Variants in RGS6 observed in about 807,000 individuals in gnomAD.
RGS6 encodes regulator of G protein signaling 6.
RGS6 carries 30 observed loss-of-function variants against 78.5 expected under a neutral mutation model. The ratio of observed to expected loss-of-function variants is 0.38; its 90% CI spans 0.29 to 0.52. The LOEUF (loss-of-function observed/expected upper bound fraction) is 0.52, where lower values mean the gene tolerates loss of function less well. Ranked by LOEUF, RGS6 falls within the 20% of genes least tolerant of loss-of-function variation. The pLI, the probability that RGS6 is intolerant of heterozygous loss-of-function variation, is 0.85. For missense variants in RGS6, 495 were observed against 609.7 expected, an observed-to-expected ratio of 0.81 and a Z score of 1.98; for synonymous variants, 206 against 206.0, an observed-to-expected ratio of 1.00 and a Z score of 0.00.
intron 3 of RGS6, among the ~76,000 whole-genome samples, chr14:72,440,732 A>G (rs2095162467): frequency 6.6e-6 from 1 of 152,166 alleles, no homozygotes; most frequent in Admixed American, 6.5e-5. Context: ...TATTACTTAG[A>G]TTTCTAGCAG....
chr14:72,474,411 A>T (rs923475488), intron 9 of RGS6, among the ~76,000 whole-genome samples: 5 of 152,202 alleles, frequency 3.3e-5, no homozygotes, highest in African/African-American at 1.2e-4. Flanking sequence ...TGTACACTAT[A>T]CCCTCTACAT....
intron 15 of RGS6, among the ~76,000 whole-genome samples, chr14:72,525,776 G>T (rs943937065): frequency 3.3e-5 from 5 of 152,206 alleles, no homozygotes; most frequent in Non-Finnish European, 5.9e-5. Context: ...TCCTCTATTG[G>T]AAGGCATTTC....
chr14:72,397,566 G>T (rs2091611071), intron 3 of RGS6, among the ~76,000 whole-genome samples: 1 of 151,938 alleles, frequency 6.6e-6, no homozygotes, highest in Non-Finnish European at 1.5e-5. Context: ...GATTGCCCTG[G>T]CCAGAACTTC....
chr14:72,306,185 T>A lies in RGS6; in HGVS notation c.85-45910T>A, dbSNP rs1032345762. ...TGGAACAACGAAGCCCAGATCTGTT[T>A]ACAGAAGGATTTATTGAATATTTTA... On this transcript the variant is annotated intron_variant, in intron 2 of 17. Coordinates refer to ENST00000553525, the MANE Select transcript of RGS6 (RefSeq NM_001204424.2). 9.2e-5 allele frequency among the ~76,000 whole-genome samples: 14 copies of A among 152,176 alleles called. 1 individual carries two copies. The highest frequency in any genetic ancestry group is 3.4e-4 in the African/African-American group (14 of 41,434).
In RGS6 at chr14:72,535,715, T is replaced by C. The variant is rs116828825; in HGVS notation, c.1279-471T>C. 5.0e-3 allele frequency among the ~76,000 whole-genome samples: 767 copies of C among 152,356 alleles called. 6 individuals are homozygous for C. Among genetic ancestry groups the C allele is most frequent in the African/African-American group, 0.017 (711 of 41,590 alleles). Reference sequence around the variant, plus strand: ...CCCTTGCTCCCTCTACTTCCTCATCTCTAACCCCAGGAACCACTAATCTGT... The same window carrying C: ...CCCTTGCTCCCTCTACTTCCTCATCCCTAACCCCAGGAACCACTAATCTGT... On this transcript the variant is annotated intron_variant, in intron 15 of 17. Coordinates refer to ENST00000553525, the MANE Select transcript of RGS6 (RefSeq NM_001204424.2).
chr14:72,062,157 TGAA>T (rs1476016576), intron 2 of RGS6, among the ~76,000 whole-genome samples: 4 of 152,106 alleles, frequency 2.6e-5, no homozygotes, highest in African/African-American at 9.7e-5. Flanking sequence ...AACAAGAAAT[TGAA>T]GAAAGCAGGG....
At chr14:71,968,768 A>G (rs1426409946) in intron 2 of RGS6, among the ~76,000 whole-genome samples, 1 of 152,210 alleles carries the variant, frequency 6.6e-6, no homozygotes, top group African/African-American at 2.4e-5. Flanking sequence ...TATGTGGCAG[A>G]TCTTTGACTT....
chr14:72,505,239 C>G (rs1361427652), intron 13 of RGS6, among the ~76,000 whole-genome samples: 2 of 152,208 alleles, frequency 1.3e-5, no homozygotes, highest in African/African-American at 4.8e-5. Context: ...ATACTATAGA[C>G]TGTGTGGCTT....
intron 2 of RGS6, among the ~76,000 whole-genome samples, chr14:72,050,007 A>C (rs1299172958): frequency 6.6e-6 from 1 of 152,128 alleles, no homozygotes; most frequent in Non-Finnish European, 1.5e-5. Context: ...CAGTAAAGAC[A>C]AGTTAAGAAA....
intron 2 of RGS6, among the ~76,000 whole-genome samples, chr14:72,280,215 A>G (rs1041122923): frequency 2.6e-5 from 4 of 152,078 alleles, no homozygotes; most frequent in African/African-American, 7.2e-5. Context: ...GCAGTGGATA[A>G]ATTTGGAACC....
At chr14:72,501,455 T>C (rs2096725241) in intron 13 of RGS6, among the ~76,000 whole-genome samples, 1 of 152,086 alleles carries the variant, frequency 6.6e-6, no homozygotes, top group Admixed American at 6.6e-5. Context: ...TTATGCAACA[T>C]AGTGAGCTGT....
At chr14:72,081,312 A>G (rs927604514) in intron 2 of RGS6, among the ~76,000 whole-genome samples, 3 of 151,546 alleles carry the variant, frequency 2.0e-5, no homozygotes, top group Non-Finnish European at 4.4e-5. Context: ...TCTTTTTCAG[A>G]TAGTTTGTTG....
intron 3 of RGS6, among the ~76,000 whole-genome samples, chr14:72,360,381 G>A (rs1333576930): frequency 6.6e-6 from 1 of 151,830 alleles, no homozygotes; most frequent in African/African-American, 2.4e-5. Flanking sequence ...AATTAGCTGG[G>A]TGTGGTGGCG....
chr14:72,620,053 C>T, the RGS6 span: 1 of 1,437,156 alleles, frequency 7.0e-7, no homozygotes, highest in Non-Finnish European at 9.2e-7. Context: ...CTGGCCCCCG[C>T]TTACCCATCA....
chr14:72,037,585 G>T (rs1323691173), intron 2 of RGS6, among the ~76,000 whole-genome samples: 1 of 152,178 alleles, frequency 6.6e-6, no homozygotes, highest in Admixed American at 6.5e-5. Flanking sequence ...TTTAGGTCAA[G>T]GTTCATTTTC....
At chr14:72,339,629 A>G (rs2076626500) in intron 2 of RGS6, among the ~76,000 whole-genome samples, 1 of 152,090 alleles carries the variant, frequency 6.6e-6, no homozygotes, top group Admixed American at 6.5e-5. Context: ...GTGCAGGAAC[A>G]CCATGAGGGG....
At position 72,465,780 on chromosome 14, in the gene RGS6, A is replaced by C. The variant is rs749895098; in HGVS notation, c.417A>C (p.Thr139=). 1 of 1,613,902 alleles carries C rather than the reference A, an allele frequency of 6.2e-7. No homozygotes were observed. Among genetic ancestry groups the C allele is most frequent in the African/African-American group, 1.3e-5 (1 of 75,040 alleles). The change falls in exon 7 of 18, where the codon ACA becomes ACC. Residue 139 remains threonine, a synonymous_variant. Coordinates refer to ENST00000553525, the MANE Select transcript of RGS6 (RefSeq NM_001204424.2). The part of the protein sequence containing the change: ...TDYAIYLCKR[T]MQNKARLELA... ...CAGCCATCTATCTCTGTAAGAGGAC[A>C]ATGCAAAATAAAGCAAGGCTGGAAC... is the stretch of plus-strand genomic sequence containing the variant.
At chr14:72,278,661 G>A (rs878908240) in intron 2 of RGS6, among the ~76,000 whole-genome samples, 6 of 152,124 alleles carry the variant, frequency 3.9e-5, no homozygotes, top group Admixed American at 6.5e-5. Context: ...TTACAGGAAC[G>A]TGGCCTTACA....
intron 13 of RGS6, among the ~76,000 whole-genome samples, chr14:72,495,521 G>A (rs2096633758): frequency 6.6e-6 from 1 of 152,042 alleles, no homozygotes; most frequent in Non-Finnish European, 1.5e-5. Flanking sequence ...CCCTAGTTCT[G>A]ATTGCTGGAA....
Sources: allele counts gnomAD v4.1 joint callset (sites outside exome capture counted in the v4.1 genomes callset), GRCh38; gene constraint gnomAD v4.1.1; transcripts MANE v1.5; gene names NCBI Gene and HGNC (gene_info 2026-07-23, HGNC 2026-07-21).